Variants in DYNC2H1 observed in about 807,000 individuals in gnomAD.
DYNC2H1 encodes the protein dynein cytoplasmic 2 heavy chain 1.
Under a neutral mutation model 570.0 loss-of-function variants are expected in DYNC2H1, and 410 were observed. That is an observed-to-expected ratio of 0.72 (90% confidence interval 0.66 to 0.78). The LOEUF is 0.78. Ranked by LOEUF, DYNC2H1 falls within the 30% of genes least tolerant of loss-of-function variation. DYNC2H1 has a pLI of 0.00. For synonymous variants in DYNC2H1, 1,688 were observed against 1,677.6 expected (o/e 1.01, Z -0.15); for missense variants, 4,865 against 5,046.4 (o/e 0.96, Z 1.09).
At chr11:103,114,864 G>A (rs968090711) in intron 3 of DYNC2H1, among the ~76,000 whole-genome samples, 3 of 151,506 alleles carry the variant, frequency 2.0e-5, no homozygotes, top group Non-Finnish European at 4.4e-5. Context: ...GTATTTTTTC[G>A]GTAAGGTACA....
intron 85 of DYNC2H1, 199 bp from the exon 86 acceptor site, chr11:103,454,987 G>T (rs185993289): frequency 4.4e-4 from 212 of 481,798 alleles, no homozygotes; most frequent in African/African-American, 3.9e-3. Flanking sequence ...GCAAGGAATC[G>T]TATTTAAGAT....
At chr11:103,167,309 C>T (rs1385624779) in intron 31 of DYNC2H1, among the ~76,000 whole-genome samples, 1 of 150,798 alleles carries the variant, frequency 6.6e-6, no homozygotes, top group African/African-American at 2.4e-5. Context: ...GCTCTGTTAT[C>T]CAGGCTGGAG....
intron 83 of DYNC2H1, among the ~76,000 whole-genome samples, chr11:103,397,569 T>C (rs1270422772): frequency 1.3e-5 from 2 of 152,324 alleles, no homozygotes; most frequent in East Asian, 1.9e-4. Context: ...TAGTTTCAGC[T>C]TGGATATTGT....
Position 103,233,526 on chromosome 11 carries a change from G to A in DYNC2H1, c.9441-508G>A, listed in dbSNP as rs1413423719. Among the ~76,000 whole-genome samples, 3 of 151,776 alleles carry A rather than the reference G, an allele frequency of 2.0e-5. No homozygotes were observed. The East Asian group carries it at 5.8e-4, about 29-fold the overall frequency. On this transcript the variant is annotated intron_variant, in intron 60 of 88. Coordinates refer to ENST00000375735, the MANE Select transcript of DYNC2H1 (RefSeq NM_001377.3). Reference sequence around the variant, plus strand: ...TGAAATTTTATTTGTATTTTTAGTGGTAGATGTTAGAGGGGGTTGGGCTGT... The same window carrying A: ...TGAAATTTTATTTGTATTTTTAGTGATAGATGTTAGAGGGGGTTGGGCTGT...
At chr11:103,272,089 T>C (rs1565450965) in intron 70 of DYNC2H1, among the ~76,000 whole-genome samples, 2 of 152,188 alleles carry the variant, frequency 1.3e-5, no homozygotes, top group East Asian at 3.9e-4. Flanking sequence ...ACCCAAAGAA[T>C]TATAAATCAT....
chr11:103,457,561 AAACTT>A (rs142315498), intron 87 of DYNC2H1, among the ~76,000 whole-genome samples: 41,038 of 138,638 alleles, frequency 0.3, 6,225 homozygotes, highest in African/African-American at 0.47. Flanking sequence ...TAAAAAGAAA[AAACTT>A]AAAAAATAAT....
intron 82 of DYNC2H1, among the ~76,000 whole-genome samples, chr11:103,327,094 G>A (rs116872003): frequency 1.3e-5 from 2 of 152,046 alleles, no homozygotes; most frequent in Non-Finnish European, 2.9e-5. Context: ...GAACAGCCCC[G>A]AGCATTATGT....
At position 103,136,814 on chromosome 11, in the gene DYNC2H1, G is replaced by A. The variant is rs61898609; in HGVS notation, c.2574+866G>A. Among the ~76,000 whole-genome samples the A allele has an allele frequency of 8.8e-3, 1,346 of 152,180 alleles. 7 individuals are homozygous for A. Among genetic ancestry groups the A allele is most frequent in the Middle Eastern group, 0.02 (6 of 294 alleles). ...AGGAATAGCCACACTGACTTCCACA[G>A]TGGTTGAACTAGTTTACAGTCCCAC... On this transcript the variant is annotated intron_variant, in intron 17 of 88. Transcript: ENST00000375735.
rs779121575 is a variant in DYNC2H1 at position 103,479,255 on chromosome 11, A to C, written c.*2A>C. Reference sequence around the variant, plus strand: ...GCTCTATTCCTAAAAAATCAGTAGAATCTAATGACAACAAAAGCCATCTTC... The same window carrying C: ...GCTCTATTCCTAAAAAATCAGTAGACTCTAATGACAACAAAAGCCATCTTC... On this transcript the variant is annotated 3_prime_UTR_variant, in exon 89 of 89. Transcript: ENST00000375735. 6.2e-7 allele frequency: 1 copy of C among 1,607,196 alleles called. No homozygotes were observed. Among genetic ancestry groups the C allele is most frequent in the Middle Eastern group, 1.7e-4 (1 of 6,052 alleles).
intron 12 of DYNC2H1, among the ~76,000 whole-genome samples, chr11:103,127,270 A>G (rs1343176454): frequency 1.3e-5 from 2 of 152,246 alleles, no homozygotes; most frequent in African/African-American, 4.8e-5. Context: ...GAATGGTCAT[A>G]GGTATTTGTA....
chr11:103,317,641 G>A (rs1937929245), intron 80 of DYNC2H1, among the ~76,000 whole-genome samples: 1 of 152,108 alleles, frequency 6.6e-6, no homozygotes, highest in Non-Finnish European at 1.5e-5. Context: ...AGCCAGACTT[G>A]TTCTTACTTG....
At position 103,145,761 on chromosome 11, in the gene DYNC2H1, A is replaced by C. The variant is rs551236607; in HGVS notation, c.2703-2011A>C. ...GTGATGTATTTTAGATAGTATCATAAGAAAATCATTTTTGAATATGCATCT... is the reference window on the plus strand; with the variant it reads ...GTGATGTATTTTAGATAGTATCATACGAAAATCATTTTTGAATATGCATCT... On this transcript the variant is annotated intron_variant, in intron 18 of 88. Transcript: ENST00000375735. This position sits in a 1 kb window ranked among gnomAD's most constrained non-coding sequence, Gnocchi z 4.2. Among the ~76,000 whole-genome samples, 1 of 152,362 alleles carries C rather than the reference A, an allele frequency of 6.6e-6. No homozygotes were observed. The highest frequency in any genetic ancestry group is 1.5e-5 in the Non-Finnish European group (1 of 68,032).
intron 83 of DYNC2H1, among the ~76,000 whole-genome samples, chr11:103,390,997 G>T (rs1455327352): frequency 6.6e-6 from 1 of 152,134 alleles, no homozygotes; most frequent in Non-Finnish European, 1.5e-5. Flanking sequence ...TTCTCGAGGA[G>T]TATCTTTGTG....
intron 38 of DYNC2H1, among the ~76,000 whole-genome samples, 197 bp from the exon 39 acceptor site, chr11:103,178,829 G>C (rs553508500): frequency 8.1e-4 from 123 of 152,084 alleles, no homozygotes; most frequent in African/African-American, 2.9e-3. Flanking sequence ...TGCCTATTTT[G>C]TATGTTTATA....
chr11:103,159,631 G>T (rs1860996345), intron 28 of DYNC2H1, among the ~76,000 whole-genome samples: 1 of 152,030 alleles, frequency 6.6e-6, no homozygotes, highest in Non-Finnish European at 1.5e-5. Flanking sequence ...AGTGGCAAAT[G>T]GAATAGGTTT....
intron 84 of DYNC2H1, among the ~76,000 whole-genome samples, chr11:103,415,800 G>GTA (rs1203150638): frequency 6.6e-6 from 1 of 152,160 alleles, no homozygotes; most frequent in Admixed American, 6.5e-5. Flanking sequence ...CCATTACTGG[G>GTA]TATATATCCA....
chr11:103,339,623 G>T (rs1313774427), intron 82 of DYNC2H1, among the ~76,000 whole-genome samples: 2 of 146,896 alleles, frequency 1.4e-5, no homozygotes, highest in African/African-American at 5.0e-5. Context: ...GCACTGCGTT[G>T]CCTGGAGTTG....
chr11:103,183,566 C>A (rs1861939164), intron 40 of DYNC2H1, among the ~76,000 whole-genome samples: 1 of 151,848 alleles, frequency 6.6e-6, no homozygotes, highest in Non-Finnish European at 1.5e-5. Context: ...CTGAGGTATA[C>A]CACAATGAAT....
chr11:103,399,612 A>G lies in DYNC2H1; in HGVS notation c.12157-51A>G, dbSNP rs1444208172. 28 of 1,298,390 alleles carry G rather than the reference A, an allele frequency of 2.2e-5. 1 individual carries two copies. The highest frequency in any genetic ancestry group is 3.8e-4 in the Middle Eastern group (2 of 5,272). The allele number at this position is 1,298,390 out of a possible 1,614,324, so 80.4% of individuals were successfully genotyped here. On this transcript the variant is annotated intron_variant, in intron 83 of 88. Coordinates refer to ENST00000375735, the MANE Select transcript of DYNC2H1 (RefSeq NM_001377.3). ...AAATAAGTTTCAAAGCGTTTTATAT[A>G]TCAGTGATCTGTGTTACTATTCGGT... is the stretch of plus-strand genomic sequence containing the variant.
Sources: allele counts gnomAD v4.1 joint callset (sites outside exome capture counted in the v4.1 genomes callset), GRCh38; gene constraint gnomAD v4.1.1; non-coding constraint Gnocchi (gnomAD v3.1); transcripts MANE v1.5; gene names NCBI Gene and HGNC (gene_info 2026-07-23, HGNC 2026-07-21).